QTMAN: variants seen among roughly 807,000 people sequenced by gnomAD.
The protein encoded by QTMAN is tRNA-queuosine alpha-mannosyltransferase.
At chr2:144,134,379 A>G in the QTMAN span, among the ~76,000 whole-genome samples, 37 of 152,274 alleles carry the variant, frequency 2.4e-4, no homozygotes, top group South Asian at 7.7e-3. Flanking sequence ...GAAATGATGA[A>G]GAGAAATGTG....
At chr2:144,293,042 T>G in the QTMAN span, among the ~76,000 whole-genome samples, 40 of 152,308 alleles carry the variant, frequency 2.6e-4, no homozygotes, top group African/African-American at 9.6e-4. Flanking sequence ...GACTGGAGTA[T>G]ATATGTAATT....
At chr2:144,320,199 C>T in the QTMAN span, among the ~76,000 whole-genome samples, 4 of 152,174 alleles carry the variant, frequency 2.6e-5, no homozygotes, top group Admixed American at 1.3e-4. Flanking sequence ...TATGCTTCTA[C>T]AGCTACTTTC....
chr2:144,046,343 T>C, the QTMAN span, among the ~76,000 whole-genome samples: 2 of 152,372 alleles, frequency 1.3e-5, no homozygotes, highest in South Asian at 4.1e-4. Context: ...TTTTTTGTTA[T>C]GTTTTTCATT....
At chr2:144,158,241 A>G in the QTMAN span, among the ~76,000 whole-genome samples, 1 of 152,068 alleles carries the variant, frequency 6.6e-6, no homozygotes, top group Admixed American at 6.6e-5. Flanking sequence ...ATATTCCAAC[A>G]GTCCTTGAAA....
the QTMAN span, among the ~76,000 whole-genome samples, chr2:143,999,585 C>A: frequency 6.6e-6 from 1 of 151,964 alleles, no homozygotes; most frequent in Non-Finnish European, 1.5e-5. Flanking sequence ...GATGATCTAC[C>A]AATCCACCTA....
At chr2:143,986,706 T>C in the QTMAN span, among the ~76,000 whole-genome samples, 1 of 152,214 alleles carries the variant, frequency 6.6e-6, no homozygotes, top group South Asian at 2.1e-4. Flanking sequence ...AGGACCTCTT[T>C]CAAAATGCAT....
chr2:144,169,882 A>G, the QTMAN span, among the ~76,000 whole-genome samples: 1 of 152,106 alleles, frequency 6.6e-6, no homozygotes, highest in African/African-American at 2.4e-5. Flanking sequence ...ATTATAGGAT[A>G]ATTTGGAAAT....
the QTMAN span, among the ~76,000 whole-genome samples, chr2:144,116,945 T>C: frequency 6.6e-6 from 1 of 152,076 alleles, no homozygotes; most frequent in African/African-American, 2.4e-5. Context: ...TTTTTGGGGT[T>C]TTGTCACTCT....
the QTMAN span, among the ~76,000 whole-genome samples, chr2:144,198,164 C>T: frequency 1.3e-5 from 2 of 151,906 alleles, no homozygotes; most frequent in Non-Finnish European, 2.9e-5. Context: ...GAGTTCAAGA[C>T]TGCAGTGAGC....
chr2:144,279,761 A>T, the QTMAN span, among the ~76,000 whole-genome samples: 1 of 152,244 alleles, frequency 6.6e-6, no homozygotes, highest in South Asian at 2.1e-4. Flanking sequence ...CCTCCTTGGT[A>T]TATACCATCG....
At chr2:144,219,906 A>G in the QTMAN span, among the ~76,000 whole-genome samples, 1 of 152,360 alleles carries the variant, frequency 6.6e-6, no homozygotes, top group South Asian at 2.1e-4. Flanking sequence ...ATTCTACATG[A>G]ATACAGATAG....
At chr2:144,273,465 T>G in the QTMAN span, among the ~76,000 whole-genome samples, 1 of 152,078 alleles carries the variant, frequency 6.6e-6, no homozygotes, top group African/African-American at 2.4e-5. Context: ...AGGCTGCTGG[T>G]TCAAGTACTA....
chr2:144,107,943 G>C, the QTMAN span, among the ~76,000 whole-genome samples: 1 of 152,166 alleles, frequency 6.6e-6, no homozygotes, highest in East Asian at 1.9e-4. Flanking sequence ...TGCAAAGCTG[G>C]TTCAACATAC....
chr2:144,021,712 A>G, the QTMAN span, among the ~76,000 whole-genome samples: 1 of 152,256 alleles, frequency 6.6e-6, no homozygotes, highest in South Asian at 2.1e-4. Flanking sequence ...AGCTCCAGGA[A>G]AAAATGAAGA....
chr2:144,275,521 A>T, the QTMAN span, among the ~76,000 whole-genome samples: 1 of 152,204 alleles, frequency 6.6e-6, no homozygotes, highest in African/African-American at 2.4e-5. Context: ...TTTGTCCACT[A>T]GACTCTTAAG....
At chr2:144,167,375 G>C in the QTMAN span, among the ~76,000 whole-genome samples, 2 of 152,106 alleles carry the variant, frequency 1.3e-5, no homozygotes, top group East Asian at 3.9e-4. Context: ...TGGCCAACCA[G>C]AAGTAACTAC....
the QTMAN span, among the ~76,000 whole-genome samples, chr2:144,233,563 T>G: frequency 6.6e-6 from 1 of 152,204 alleles, no homozygotes; most frequent in Non-Finnish European, 1.5e-5. Flanking sequence ...AGAACCAAGC[T>G]ACACAAAACA....
At chr2:143,981,134 T>C in the QTMAN span, among the ~76,000 whole-genome samples, 1 of 152,228 alleles carries the variant, frequency 6.6e-6, no homozygotes, top group African/African-American at 2.4e-5. Context: ...TGTGTTCTTG[T>C]ATATTATTTC....
the QTMAN span, among the ~76,000 whole-genome samples, chr2:144,038,106 G>A: frequency 9.2e-5 from 14 of 152,254 alleles, no homozygotes; most frequent in East Asian, 2.7e-3. Context: ...ATGCCTGTCA[G>A]GGCAAGTGCT....
Sources: gnomAD v4.1 joint callset for allele counts (sites outside exome capture counted in the v4.1 genomes callset) on GRCh38, gnomAD v4.1.1 for gene constraint, MANE v1.5 for transcripts, NCBI Gene and HGNC (gene_info 2026-07-23, HGNC 2026-07-21) for gene names.